NELFB: variants seen among roughly 807,000 people sequenced by gnomAD.
The protein encoded by NELFB is negative elongation factor B.
Under a neutral mutation model 60.2 loss-of-function variants are expected in NELFB, and 34 were observed. The ratio of observed to expected loss-of-function variants is 0.56; its 90% CI spans 0.43 to 0.75. The LOEUF (loss-of-function observed/expected upper bound fraction) is 0.75, where lower values mean the gene tolerates loss of function less well. Ranked by LOEUF, NELFB falls within the 30% of genes least tolerant of loss-of-function variation. NELFB has a pLI of 0.00. For missense variants in NELFB, 770 were observed against 831.6 expected (o/e 0.93, Z 0.91); for synonymous variants, 459 against 382.1 (o/e 1.20, Z -2.35).
chr9:137,257,425 C>G (rs889511705), intron 4 of NELFB, among the ~76,000 whole-genome samples: 27 of 151,646 alleles, frequency 1.8e-4, no homozygotes, highest in African/African-American at 6.5e-4. Context: ...CGGGTTCACT[C>G]CATTCTCCTG....
intron 4 of NELFB, among the ~76,000 whole-genome samples, chr9:137,262,377 A>T (rs1830459679): frequency 1.3e-5 from 2 of 152,184 alleles, no homozygotes; most frequent in African/African-American, 4.8e-5. Flanking sequence ...CCGCTAGACC[A>T]AGGAGCCCTC....
rs1830597903 is a variant in NELFB, at chr9:137,272,627, G to T, written c.1740+12G>T. The T allele has an allele frequency of 1.3e-6, 2 of 1,576,412 alleles. No homozygotes were observed. Among genetic ancestry groups the T allele is most frequent in the African/African-American group, 1.4e-5 (1 of 74,066 alleles). On this transcript the variant is annotated intron_variant, in intron 12 of 12. Coordinates refer to ENST00000343053, the MANE Select transcript of NELFB (RefSeq NM_015456.5). ...AGCCTACAGGCCAGGTGGGTGCCCG[G>T]GGGGGCTGCATCTGAAGGCACCTGG... is the stretch of plus-strand genomic sequence containing the variant.
At chr9:137,263,985 C>A (rs962303736) in intron 5 of NELFB, among the ~76,000 whole-genome samples, 2 of 152,194 alleles carry the variant, frequency 1.3e-5, no homozygotes, top group African/African-American at 4.8e-5. Context: ...CTGCAGTGGC[C>A]ACCCCCACAC....
In NELFB at chr9:137,256,049, C is replaced by T. The variant is rs759501533; in HGVS notation, c.389C>T (p.Ser130Leu). The change falls in exon 2 of 13, where the codon TCG becomes TTG. Residue 130 changes from serine (S) to leucine (L), a missense_variant. Coordinates refer to ENST00000343053, the MANE Select transcript of NELFB (RefSeq NM_015456.5). ...CTGGAGCGAGTGTCAGCCATCGCTT[C>T]GGAGGGGAAGGCTGAGGAAAGGTGG... 1.2e-6 allele frequency: 2 copies of T among 1,613,508 alleles called. No individual in the cohort carries two copies. The highest frequency in any genetic ancestry group is 2.2e-5 in the East Asian group (1 of 44,860).
intron 4 of NELFB, among the ~76,000 whole-genome samples, chr9:137,261,197 G>A (rs1185591354): frequency 2.3e-4 from 34 of 150,934 alleles, no homozygotes; most frequent in Admixed American, 1.9e-3. Context: ...AAAATTAGCT[G>A]GGCGTGGTGG....
chr9:137,262,613 A>G (rs960490922), intron 4 of NELFB, among the ~76,000 whole-genome samples: 11 of 152,344 alleles, frequency 7.2e-5, no homozygotes, highest in Middle Eastern at 3.4e-3. Flanking sequence ...CTATTCTTGC[A>G]TATTTTGTTA....
intron 1 of NELFB, 112 bp downstream of exon 1, chr9:137,255,723 G>A (rs1837539953): frequency 7.0e-7 from 1 of 1,430,164 alleles, no homozygotes; most frequent in Non-Finnish European, 9.5e-7. Context: ...TGGTGGCTGA[G>A]TCCTGTTCTG....
At chr9:137,258,933 G>A (rs1837601334) in intron 4 of NELFB, among the ~76,000 whole-genome samples, 1 of 152,192 alleles carries the variant, frequency 6.6e-6, no homozygotes, top group Non-Finnish European at 1.5e-5. Context: ...GCTGGGTACG[G>A]TGGCTCACGC....
intron 4 of NELFB, among the ~76,000 whole-genome samples, chr9:137,261,767 G>A (rs9696650): frequency 0.69 from 104,336 of 151,838 alleles, 36,495 homozygotes; most frequent in Admixed American, 0.77. Context: ...AAGACACAAG[G>A]CAAAGAAATG....
intron 4 of NELFB, among the ~76,000 whole-genome samples, chr9:137,260,538 A>C (rs1416888393): frequency 3.6e-4 from 54 of 148,146 alleles, no homozygotes; most frequent in African/African-American, 1.2e-3. Context: ...CTGCAACCTC[A>C]GTCTCCCAGG....
At chr9:137,266,742 C>T (rs1830522007) in intron 8 of NELFB, among the ~76,000 whole-genome samples, 1 of 151,852 alleles carries the variant, frequency 6.6e-6, no homozygotes, top group African/African-American at 2.4e-5. Flanking sequence ...CCATGTGGGT[C>T]CAGACCTAGA....
chr9:137,265,155 G>T (rs1314430599), intron 6 of NELFB, among the ~76,000 whole-genome samples: 3 of 150,880 alleles, frequency 2.0e-5, no homozygotes, highest in African/African-American at 7.3e-5. Flanking sequence ...AAAGTGCTGG[G>T]ATTACAGGCA....
chr9:137,256,384 T>C lies in NELFB; in HGVS notation c.466T>C (p.Ser156Pro), dbSNP rs1462074777. 1 of 1,613,810 alleles carries C rather than the reference T, an allele frequency of 6.2e-7. No homozygotes were observed. The highest frequency in any genetic ancestry group is 2.2e-5 in the East Asian group (1 of 44,892). The change falls in exon 3 of 13, where the codon TCC becomes CCC. Residue 156 changes from serine (S) to proline (P), a missense_variant. Transcript: ENST00000343053. ...GAGCTTTTCTCTGGTGAAGATGCCG[T>C]CCCTGCAGCCCGTGGTGATGTGCGT...
At position 137,255,975 on chromosome 9, in the gene NELFB, G is replaced by T. The variant is rs141153620; in HGVS notation, c.315G>T (p.Pro105=). The T allele has an allele frequency of 5.5e-4, 880 of 1,613,956 alleles. 13 individuals carry two copies. The South Asian group carries it at 7.3e-3, about 13-fold the overall frequency. Residue 105 remains proline, a synonymous_variant, in exon 2 of 13, where the codon CCG becomes CCT. Transcript: ENST00000343053. ...CCTTCTTGGACCTGCACGGGACGCC[G>T]CGGCTGGAGTTCCACCAGTCGGTAT...
rs1299935269 is a variant in NELFB at position 137,255,728 on chromosome 9, G to T, written c.246+117G>T. ...GGCTTTCTGCTGGTGGCTGAGTCCT[G>T]TTCTGGGGGTGGAGTCCGGAGCCAG... On this transcript the variant is annotated intron_variant, in intron 1 of 12. Coordinates refer to ENST00000343053, the MANE Select transcript of NELFB (RefSeq NM_015456.5). The T allele has an allele frequency of 5.6e-6, 8 of 1,427,914 alleles. No individual in the cohort carries two copies. The East Asian group carries it at 7.0e-5, about 13-fold the overall frequency. The allele number at this position is 1,427,914 out of a possible 1,614,324, so 88.5% of individuals were successfully genotyped here.
At position 137,268,243 on chromosome 9, in the gene NELFB, A is replaced by C. The variant is rs545827302; in HGVS notation, c.1489+897A>C. 2.1e-3 allele frequency among the ~76,000 whole-genome samples: 313 copies of C among 152,248 alleles called. 1 individual carries two copies. The highest frequency in any genetic ancestry group is 7.1e-3 in the African/African-American group (294 of 41,526). ...GGCCTTGTCTGGGGTTTGCTGTCTT[A>C]GTCCACGTTATGCTGCTCTAACAGA... On this transcript the variant is annotated intron_variant, in intron 10 of 12. Coordinates refer to ENST00000343053, the MANE Select transcript of NELFB (RefSeq NM_015456.5).
intron 10 of NELFB, 129 bp downstream of exon 10, chr9:137,267,475 T>A: frequency 1.6e-6 from 1 of 641,620 alleles, no homozygotes; most frequent in Non-Finnish European, 2.6e-6. Context: ...CCAACTTTGC[T>A]AGCTTTGTTT....
At position 137,273,136 on chromosome 9, in the gene NELFB, G is replaced by A. The variant is rs1018899975; in HGVS notation, c.*208G>A. On this transcript the variant is annotated 3_prime_UTR_variant, in exon 13 of 13. Transcript: ENST00000343053. Reference sequence around the variant, plus strand: ...CATCCATGCAGTGGCTCCCAGGGCAGAGCCTCTCCTTGTACTTTGGCAGCC... The same window carrying A: ...CATCCATGCAGTGGCTCCCAGGGCAAAGCCTCTCCTTGTACTTTGGCAGCC... 2 of 489,758 alleles carry A rather than the reference G, an allele frequency of 4.1e-6. No individual in the cohort carries two copies. Among genetic ancestry groups the A allele is most frequent in the Non-Finnish European group, 7.1e-6 (2 of 282,028 alleles). The allele number at this position is 489,758 out of a possible 1,614,324, so 30.3% of individuals were successfully genotyped here.
chr9:137,256,788 A>C (rs1378726007), intron 3 of NELFB, 36 bp from the exon 4 acceptor site: 1 of 1,599,818 alleles, frequency 6.3e-7, no homozygotes, highest in Non-Finnish European at 8.6e-7. Flanking sequence ...CCAGGGACAC[A>C]GGTGCCACTC....
Sources: allele counts gnomAD v4.1 joint callset (sites outside exome capture counted in the v4.1 genomes callset), GRCh38; gene constraint gnomAD v4.1.1; transcripts MANE v1.5; gene names NCBI Gene and HGNC (gene_info 2026-07-23, HGNC 2026-07-21).